Variants in RIMS4 observed in about 807,000 individuals in gnomAD.
RIMS4 encodes the protein regulating synaptic membrane exocytosis protein 4.
RIMS4 carries 9 observed loss-of-function variants against 29.0 expected under a neutral mutation model. That is an observed-to-expected ratio of 0.31 (90% CI 0.19 to 0.54). RIMS4 has a LOEUF of 0.54. RIMS4 is among the 20% of genes least tolerant of loss of function. The pLI is 0.94. For missense variants in RIMS4, 193 were observed against 365.7 expected, an observed-to-expected ratio of 0.53 and a Z score of 3.85; for synonymous variants, 130 against 152.9, an observed-to-expected ratio of 0.85 and a Z score of 1.10.
intron 2 of RIMS4, among the ~76,000 whole-genome samples, chr20:44,762,275 G>A (rs889435710): frequency 2.6e-5 from 4 of 152,170 alleles, no homozygotes; most frequent in Non-Finnish European, 5.9e-5. Flanking sequence ...CCAGGGACCA[G>A]TACCCCTGGG....
At chr20:44,761,490 C>T (rs2066084833) in intron 2 of RIMS4, among the ~76,000 whole-genome samples, 1 of 152,186 alleles carries the variant, frequency 6.6e-6, no homozygotes, top group Non-Finnish European at 1.5e-5. Flanking sequence ...GGGTTCATGC[C>T]TCAGAAGCAG....
At chr20:44,784,962 G>A (rs2066201384) in intron 1 of RIMS4, among the ~76,000 whole-genome samples, 1 of 152,206 alleles carries the variant, frequency 6.6e-6, no homozygotes, top group South Asian at 2.1e-4. Flanking sequence ...AATTCAGCAG[G>A]TCTCAGGTGG....
intron 1 of RIMS4, among the ~76,000 whole-genome samples, chr20:44,774,002 T>C (rs1177007653): frequency 6.6e-6 from 1 of 152,220 alleles, no homozygotes; most frequent in Non-Finnish European, 1.5e-5. Context: ...ACTGTCTTGC[T>C]GACACCCTTG....
chr20:44,787,489 T>G (rs905975549), intron 1 of RIMS4, among the ~76,000 whole-genome samples: 9 of 152,046 alleles, frequency 5.9e-5, no homozygotes, highest in Non-Finnish European at 1.5e-5. Flanking sequence ...TCAACAAAAT[T>G]TACGCAGCCT....
intron 1 of RIMS4, among the ~76,000 whole-genome samples, chr20:44,799,984 G>A (rs1000659089): frequency 1.6e-4 from 25 of 152,184 alleles, no homozygotes; most frequent in African/African-American, 5.8e-4. Context: ...GCAGGATGGG[G>A]CTATGATAAG....
chr20:44,762,614 G>A (rs79638430), intron 2 of RIMS4, among the ~76,000 whole-genome samples: 28,124 of 152,186 alleles, frequency 0.18, 3,322 homozygotes, highest in Non-Finnish European at 0.26. Context: ...GGTAATTAGC[G>A]GTAATTGTTT....
intron 1 of RIMS4, among the ~76,000 whole-genome samples, chr20:44,793,973 G>A (rs917336086): frequency 1.3e-5 from 2 of 152,206 alleles, no homozygotes; most frequent in Admixed American, 1.3e-4. Context: ...GGACGCTGAG[G>A]CAGGAGGATC....
At chr20:44,786,350 G>A (rs775547996) in intron 1 of RIMS4, among the ~76,000 whole-genome samples, 4 of 152,096 alleles carry the variant, frequency 2.6e-5, no homozygotes, top group Admixed American at 6.6e-5. Context: ...CTCACCTCCC[G>A]TGTGAATCTC....
At chr20:44,797,212 T>C (rs2066258821) in intron 1 of RIMS4, among the ~76,000 whole-genome samples, 1 of 152,336 alleles carries the variant, frequency 6.6e-6, no homozygotes, top group African/African-American at 2.4e-5. Context: ...ACTAAATCCA[T>C]CTTGCTGCCT....
Position 44,756,360 on chromosome 20 carries a change from G to A in RIMS4, c.592-8C>T, listed in dbSNP as rs192790742. On this transcript the variant is annotated splice_polypyrimidine_tract_variant and splice_region_variant and intron_variant, in intron 5 of 5. Coordinates refer to ENST00000372851, the MANE Select transcript of RIMS4 (RefSeq NM_182970.4). The surrounding 1 kb of genome is among the most constrained non-coding windows in gnomAD (Gnocchi z 5.9). ...GTTCCCCCACACGATCACCTGTGGG[G>A]CAAGAGACACAGTGGTTCAAATCCT... 2.0e-4 allele frequency: 325 copies of A among 1,611,154 alleles called. 1 individual carries two copies. In the African/African-American group the frequency reaches 2.4e-3, roughly 12 times the overall value.
Position 44,758,064 on chromosome 20 carries a change from G to A in RIMS4, c.349+8C>T, listed in dbSNP as rs1189366492. The A allele has an allele frequency of 2.5e-6, 4 of 1,585,438 alleles. No homozygotes were observed. The highest frequency in any genetic ancestry group is 1.1e-5 in the South Asian group (1 of 88,588). ...TAGTCCATTTGAAACCAGCCTTGGGGCACTCACCCATGGGTGTGGTGGCCA... is the reference window on the plus strand; with the variant it reads ...TAGTCCATTTGAAACCAGCCTTGGGACACTCACCCATGGGTGTGGTGGCCA... On this transcript the variant is annotated splice_region_variant and intron_variant, in intron 3 of 5. Transcript: ENST00000372851.
chr20:44,756,880 C>T lies in RIMS4; in HGVS notation c.591+18G>A, dbSNP rs1310717190. 1.9e-5 allele frequency: 30 copies of T among 1,611,818 alleles called. No homozygotes were observed. Among genetic ancestry groups the T allele is most frequent in the Middle Eastern group, 1.7e-4 (1 of 6,058 alleles). ...GCTCGTGCACACACACACACGTGAGCGCGTCAATGCCCCTCACCTGGAGGA... is the reference window on the plus strand; with the variant it reads ...GCTCGTGCACACACACACACGTGAGTGCGTCAATGCCCCTCACCTGGAGGA... On this transcript the variant is annotated intron_variant, in intron 5 of 5. Coordinates refer to ENST00000372851, the MANE Select transcript of RIMS4 (RefSeq NM_182970.4). The surrounding 1 kb of genome is among the most constrained non-coding windows in gnomAD (Gnocchi z 5.9).
At position 44,756,201 on chromosome 20, in the gene RIMS4, G is replaced by A; in HGVS notation, c.743C>T (p.Pro248Leu). Reference sequence around the variant, plus strand: ...CAACTGGGATGCCTGCCGGAGCAGGGGGCCTGTGGCTGGGTCCACCATGGA... The same window carrying A: ...CAACTGGGATGCCTGCCGGAGCAGGAGGCCTGTGGCTGGGTCCACCATGGA... ...TSSMVDPATG[P>L]LLRQASQLSL... The change falls in exon 6 of 6, where the codon CCC (proline) becomes CTC (leucine). Residue 248 changes from proline to leucine, a missense_variant. By Grantham distance (98) the Pro-to-Leu change is moderately conservative. Transcript: ENST00000372851. The surrounding 1 kb of genome is among the most constrained non-coding windows in gnomAD (Gnocchi z 5.9). The A allele has an allele frequency of 1.9e-6, 3 of 1,614,010 alleles. No individual in the cohort carries two copies. Among genetic ancestry groups the A allele is most frequent in the Non-Finnish European group, 2.5e-6 (3 of 1,179,988 alleles).
intron 2 of RIMS4, 122 bp from the exon 3 acceptor site, chr20:44,758,306 G>C (rs918950602): frequency 3.0e-6 from 2 of 665,638 alleles, no homozygotes; most frequent in African/African-American, 1.8e-5. Context: ...ATGGAGATAA[G>C]GTTTACCCAG....
chr20:44,758,689 C>T (rs1347774378), intron 2 of RIMS4, among the ~76,000 whole-genome samples: 1 of 152,186 alleles, frequency 6.6e-6, no homozygotes, highest in Non-Finnish European at 1.5e-5. Flanking sequence ...TCAGCCTGGC[C>T]AATCAGGGCA....
intron 1 of RIMS4, among the ~76,000 whole-genome samples, chr20:44,802,640 A>C (rs945665530): frequency 6.6e-6 from 1 of 152,204 alleles, no homozygotes; most frequent in African/African-American, 2.4e-5. Flanking sequence ...ATGCATGTAA[A>C]GGCACAGCCA....
chr20:44,758,656 GCTCC>G, intron 2 of RIMS4, among the ~76,000 whole-genome samples: 1 of 152,316 alleles, frequency 6.6e-6, no homozygotes, highest in South Asian at 2.1e-4. Flanking sequence ...GGAGGGAACA[GCTCC>G]TGAGACTGGG....
chr20:44,772,861 A>G (rs555081364), intron 1 of RIMS4, among the ~76,000 whole-genome samples: 1 of 152,238 alleles, frequency 6.6e-6, no homozygotes, highest in East Asian at 1.9e-4. Context: ...GCAAGCCAGG[A>G]CAGCTCCCGC....
chr20:44,763,996 A>G (rs926554972), intron 2 of RIMS4, among the ~76,000 whole-genome samples: 3 of 151,324 alleles, frequency 2.0e-5, no homozygotes, highest in African/African-American at 7.3e-5. Context: ...CTATCACTTC[A>G]TCCATCCATC....
Sources: allele counts gnomAD v4.1 joint callset (sites outside exome capture counted in the v4.1 genomes callset), GRCh38; gene constraint gnomAD v4.1.1; non-coding constraint Gnocchi (gnomAD v3.1); transcripts MANE v1.5; gene names NCBI Gene and HGNC (gene_info 2026-07-23, HGNC 2026-07-21).